The following CCSER1 variants were observed in gnomAD, a reference collection of about 807,000 sequenced individuals.
The protein encoded by CCSER1 is serine-rich coiled-coil domain-containing protein 1.
Under a neutral mutation model 82.0 loss-of-function variants are expected in CCSER1, and 41 were observed. The observed-to-expected ratio is 0.50, with a 90% confidence interval of 0.39 to 0.65. The LOEUF (loss-of-function observed/expected upper bound fraction) is 0.65. Among genes scored for constraint, CCSER1 ranks in the 30% least tolerant of loss-of-function variants. CCSER1 has a pLI of 0.00. For missense variants in CCSER1, 1,119 were observed against 1,064.2 expected, an observed-to-expected ratio of 1.05 and a Z score of -0.72; for synonymous variants, 414 against 383.9, an observed-to-expected ratio of 1.08 and a Z score of -0.92.
At chr4:91,254,895 G>A (rs545815872) in intron 10 of CCSER1, among the ~76,000 whole-genome samples, 1 of 152,142 alleles carries the variant, frequency 6.6e-6, no homozygotes, top group South Asian at 2.1e-4. Flanking sequence ...ACATTACTAA[G>A]TAATGTAAAA....
intron 8 of CCSER1, among the ~76,000 whole-genome samples, chr4:90,820,396 G>A (rs1179023804): frequency 6.6e-6 from 1 of 152,144 alleles, no homozygotes; most frequent in Non-Finnish European, 1.5e-5. Context: ...AGATCAAGGA[G>A]CTAGCAGGTT....
intron 3 of CCSER1, among the ~76,000 whole-genome samples, chr4:90,319,626 T>C (rs1736768849): frequency 7.4e-6 from 1 of 134,640 alleles, no homozygotes; most frequent in Non-Finnish European, 1.5e-5. Context: ...CACTACAGTC[T>C]GGGCAACAGA....
At chr4:90,312,708 T>G (rs1735515302) in intron 2 of CCSER1, among the ~76,000 whole-genome samples, 155 bp from the exon 3 acceptor site, 1 of 152,208 alleles carries the variant, frequency 6.6e-6, no homozygotes, top group African/African-American at 2.4e-5. Context: ...ATTACATGAT[T>G]AAGTGAACTA....
At chr4:91,202,341 G>A (rs769333073) in intron 10 of CCSER1, among the ~76,000 whole-genome samples, 4 of 151,974 alleles carry the variant, frequency 2.6e-5, no homozygotes, top group East Asian at 1.9e-4. Context: ...AGTTAAACAC[G>A]TCCTTTCCAC....
chr4:90,196,734 A>G (rs533316346), intron 1 of CCSER1, among the ~76,000 whole-genome samples: 92 of 151,588 alleles, frequency 6.1e-4, no homozygotes, highest in Admixed American at 2.9e-3. Flanking sequence ...AAGCAATAGT[A>G]TATGAAGCAT....
intron 5 of CCSER1, among the ~76,000 whole-genome samples, chr4:90,545,575 C>T (rs1016789768): frequency 6.6e-6 from 1 of 152,032 alleles, no homozygotes; most frequent in Non-Finnish European, 1.5e-5. Flanking sequence ...TCAATCATTA[C>T]TCCTCATTCC....
chr4:90,989,884 G>A (rs2150443754), intron 9 of CCSER1, among the ~76,000 whole-genome samples: 1 of 151,846 alleles, frequency 6.6e-6, no homozygotes, highest in South Asian at 2.1e-4. Context: ...AGAGATGGGA[G>A]CAGGGACGAT....
chr4:90,481,308 A>G (rs954129657), intron 5 of CCSER1, among the ~76,000 whole-genome samples: 25 of 152,202 alleles, frequency 1.6e-4, no homozygotes, highest in African/African-American at 5.1e-4. Context: ...CAATCATGTC[A>G]TCTGCAAACA....
At chr4:90,914,175 A>C (rs964506368) in intron 8 of CCSER1, among the ~76,000 whole-genome samples, 3 of 152,302 alleles carry the variant, frequency 2.0e-5, no homozygotes, top group Non-Finnish European at 4.4e-5. Context: ...CTCCACCCCA[A>C]ATCAACAGAA....
chr4:91,501,273 T>C (rs1255765838), intron 10 of CCSER1, among the ~76,000 whole-genome samples: 2 of 151,932 alleles, frequency 1.3e-5, no homozygotes, highest in African/African-American at 4.8e-5. Context: ...TTTGTTGTTG[T>C]TGATTTAAGC....
Position 90,519,164 on chromosome 4 carries a change from T to G in CCSER1, c.1724+50810T>G, listed in dbSNP as rs560176191. ...TCTAAAATCTCCATTCATTCATTCA[T>G]TTATTCATTCATTCATTCATTCTGC... On this transcript the variant is annotated intron_variant, in intron 5 of 10. Transcript: ENST00000509176. Among the ~76,000 whole-genome samples, 29 of 152,066 alleles carry G rather than the reference T, an allele frequency of 1.9e-4. No individual in the cohort carries two copies. In the East Asian group the frequency reaches 3.5e-3, roughly 18 times the overall value.
At chr4:91,590,310 C>A (rs1167401577) in intron 10 of CCSER1, among the ~76,000 whole-genome samples, 2 of 152,080 alleles carry the variant, frequency 1.3e-5, no homozygotes, top group African/African-American at 4.8e-5. Flanking sequence ...AAAATCAGGT[C>A]CTGTCTGCCA....
intron 10 of CCSER1, among the ~76,000 whole-genome samples, chr4:91,489,245 T>C (rs947251297): frequency 6.6e-6 from 1 of 152,136 alleles, no homozygotes; most frequent in Middle Eastern, 3.2e-3. Context: ...GGGTAGAATA[T>C]GAGGTCAGAA....
chr4:90,336,383 T>C (rs1037355671), intron 3 of CCSER1, among the ~76,000 whole-genome samples: 4 of 152,184 alleles, frequency 2.6e-5, no homozygotes, highest in African/African-American at 9.6e-5. Flanking sequence ...ATGTGTCATG[T>C]AAGAAAGTGT....
At chr4:90,539,243 G>A (rs142228271) in intron 5 of CCSER1, among the ~76,000 whole-genome samples, 1,889 of 152,040 alleles carry the variant, frequency 0.012, 48 homozygotes, top group African/African-American at 0.044. Flanking sequence ...TGGGTCCATA[G>A]GTTTTACAAA....
intron 4 of CCSER1, among the ~76,000 whole-genome samples, chr4:90,425,570 C>T (rs11930465): frequency 3.0e-3 from 454 of 152,304 alleles, no homozygotes; most frequent in African/African-American, 0.011. Context: ...TCAACAAAAG[C>T]AGGTCTTTCC....
At chr4:91,097,224 A>G (rs1724598149) in intron 10 of CCSER1, among the ~76,000 whole-genome samples, 1 of 152,190 alleles carries the variant, frequency 6.6e-6, no homozygotes, top group East Asian at 1.9e-4. Context: ...GAGAACTAAT[A>G]ATTATGGTTG....
chr4:90,471,082 C>A (rs1764335697), intron 5 of CCSER1, among the ~76,000 whole-genome samples: 1 of 152,006 alleles, frequency 6.6e-6, no homozygotes, highest in Non-Finnish European at 1.5e-5. Flanking sequence ...AGTCAGAATT[C>A]TTTATTATAT....
intron 10 of CCSER1, among the ~76,000 whole-genome samples, chr4:91,468,520 A>G (rs1379883755): frequency 6.6e-6 from 1 of 151,964 alleles, no homozygotes; most frequent in Non-Finnish European, 1.5e-5. Flanking sequence ...AAAAGGAAAA[A>G]TATGGAGGTA....
Sources: gnomAD v4.1 joint callset for allele counts (sites outside exome capture counted in the v4.1 genomes callset) on GRCh38, gnomAD v4.1.1 for gene constraint, MANE v1.5 for transcripts, NCBI Gene and HGNC (gene_info 2026-07-23, HGNC 2026-07-21) for gene names.